CELF2: variants seen among roughly 807,000 people sequenced by gnomAD.
The protein encoded by CELF2 is CUGBP Elav-like family member 2.
Under a neutral mutation model 62.6 loss-of-function variants are expected in CELF2, and 8 were observed. The observed-to-expected ratio is 0.13, with a 90% CI of 0.07 to 0.23. CELF2 has a LOEUF of 0.23. CELF2 is among the 10% of genes least tolerant of loss of function. The pLI, the probability that CELF2 is intolerant of heterozygous loss-of-function variation, is 1.00. For missense variants in CELF2, 333 were observed against 671.0 expected, an observed-to-expected ratio of 0.50 and a Z score of 5.56; for synonymous variants, 258 against 250.0, an observed-to-expected ratio of 1.03 and a Z score of -0.30.
chr10:10,798,728 C>T (rs2054326863), exon 1 of CELF2: 1 of 398,752 alleles, frequency 2.5e-6, no homozygotes, highest in Admixed American at 4.4e-5. Context: ...TCCCCGCCTC[C>T]TCCTCTCCGG....
At chr10:10,814,840 C>T (rs907738834) in intron 1 of CELF2, among the ~76,000 whole-genome samples, 8 of 152,226 alleles carry the variant, frequency 5.3e-5, no homozygotes, top group Admixed American at 6.5e-5. Flanking sequence ...CTCAGGAATT[C>T]GAATTTTGGT....
intron 1 of CELF2, among the ~76,000 whole-genome samples, chr10:11,009,574 G>A (rs1241973590): frequency 1.3e-5 from 2 of 152,094 alleles, no homozygotes; most frequent in Non-Finnish European, 2.9e-5. Context: ...GACCATCAAA[G>A]TTAACAGGAA....
In CELF2 at chr10:11,309,353, A is replaced by T. The variant is rs1234424678; in HGVS notation, c.977-4786A>T. 1.3e-5 allele frequency among the ~76,000 whole-genome samples: 2 copies of T among 152,202 alleles called. No individual in the cohort carries two copies. Among genetic ancestry groups the T allele is most frequent in the Non-Finnish European group, 2.9e-5 (2 of 68,026 alleles). On this transcript the variant is annotated intron_variant, in intron 9 of 12. Transcript: ENST00000633077. This position sits in a 1 kb window ranked among gnomAD's most constrained non-coding sequence, Gnocchi z 5.6. Reference sequence around the variant, plus strand: ...TAGCAAGAATAATTCAGTGAAGTCTATTCCCCTGCACTGTGCCTCTGCTGT... The same window carrying T: ...TAGCAAGAATAATTCAGTGAAGTCTTTTCCCCTGCACTGTGCCTCTGCTGT...
At chr10:11,282,350 GCT>G (rs2089241189) in intron 8 of CELF2, among the ~76,000 whole-genome samples, 1 of 152,134 alleles carries the variant, frequency 6.6e-6, no homozygotes, top group Non-Finnish European at 1.5e-5. Flanking sequence ...AAGGGGCGGG[GCT>G]CTCTCAGGGA....
intron 1 of CELF2, among the ~76,000 whole-genome samples, chr10:10,902,846 A>G (rs1224668478): frequency 1.4e-5 from 2 of 142,256 alleles, no homozygotes; most frequent in African/African-American, 5.2e-5. Flanking sequence ...GAGAGAGACA[A>G]AGAAAGGGAG....
intron 1 of CELF2, among the ~76,000 whole-genome samples, chr10:11,152,398 G>A (rs970487322): frequency 6.6e-6 from 1 of 151,762 alleles, no homozygotes; most frequent in African/African-American, 2.4e-5. Context: ...AGGTTCTCAG[G>A]AAACAGTTGT....
At chr10:11,273,315 C>G (rs1204215352) in intron 7 of CELF2, among the ~76,000 whole-genome samples, 1 of 152,156 alleles carries the variant, frequency 6.6e-6, no homozygotes, top group African/African-American at 2.4e-5. Context: ...TGAGCCCCAC[C>G]TCCCGTCAGA....
chr10:11,139,721 A>G (rs1159154033), intron 1 of CELF2, among the ~76,000 whole-genome samples: 1 of 151,834 alleles, frequency 6.6e-6, no homozygotes, highest in Non-Finnish European at 1.5e-5. Context: ...CTTCTTACCT[A>G]CCCCCTGCTA....
At chr10:10,557,628 A>G in the CELF2 span, among the ~76,000 whole-genome samples, 5 of 152,172 alleles carry the variant, frequency 3.3e-5, 1 homozygote, top group Middle Eastern at 0.014. Flanking sequence ...CTTGGGCAGT[A>G]TTGCCATTTT....
chr10:11,114,527 C>T (rs1038877863), intron 1 of CELF2, among the ~76,000 whole-genome samples: 1 of 152,086 alleles, frequency 6.6e-6, no homozygotes, highest in African/African-American at 2.4e-5. Flanking sequence ...ACACTCTCGT[C>T]GAGTCATAAA....
rs1300754930 is a variant in CELF2 at position 11,165,852 on chromosome 10, C to G, written c.271+170C>G. 6.6e-6 allele frequency among the ~76,000 whole-genome samples: 1 copy of G among 152,182 alleles called. No homozygotes were observed. Among genetic ancestry groups the G allele is most frequent in the Non-Finnish European group, 1.5e-5 (1 of 68,014 alleles). ...GGGCTGCTCCCGACTCCTCCCCGCACCCCCGCCCGCCTGCCCGCCGGGACA... is the reference window on the plus strand; with the variant it reads ...GGGCTGCTCCCGACTCCTCCCCGCAGCCCCGCCCGCCTGCCCGCCGGGACA... On this transcript the variant is annotated intron_variant, in intron 2 of 12. Transcript: ENST00000633077. The surrounding 1 kb of genome is among the most constrained non-coding windows in gnomAD (Gnocchi z 7.4).
chr10:11,195,492 C>T (rs1444535358), intron 2 of CELF2, among the ~76,000 whole-genome samples: 2 of 152,182 alleles, frequency 1.3e-5, no homozygotes, highest in East Asian at 1.9e-4. Context: ...TCCATCCAGG[C>T]GGATGGCAGT....
chr10:10,633,377 T>C, the CELF2 span, among the ~76,000 whole-genome samples: 5 of 152,208 alleles, frequency 3.3e-5, no homozygotes, highest in Non-Finnish European at 5.9e-5. Flanking sequence ...TGCTAGTCTC[T>C]GGGAGTAATA....
the CELF2 span, among the ~76,000 whole-genome samples, chr10:10,765,089 C>T: frequency 6.6e-6 from 1 of 152,150 alleles, no homozygotes; most frequent in South Asian, 2.1e-4. Context: ...ACGGCTTGAT[C>T]TTGTGGGGGC....
chr10:11,197,026 A>AGGAAGGAAGGAAGGAAGGAAGGAAGG (rs1554936340), intron 2 of CELF2, among the ~76,000 whole-genome samples: 234 of 1,608 alleles, frequency 0.15, 31 homozygotes, highest in African/African-American at 0.18. Context: ...GAAAGAAAGA[A>AGGAAGGAAGGAAGGAAGGAAGGAAGG]AAGAAAGAAA....
At chr10:10,869,236 C>G (rs543097281) in intron 1 of CELF2, among the ~76,000 whole-genome samples, 10 of 152,084 alleles carry the variant, frequency 6.6e-5, no homozygotes, top group Admixed American at 1.3e-4. Flanking sequence ...TATTATCCTT[C>G]CAATGAAGTT....
chr10:10,539,286 G>A, the CELF2 span, among the ~76,000 whole-genome samples: 3 of 152,172 alleles, frequency 2.0e-5, no homozygotes, highest in Non-Finnish European at 2.9e-5. Context: ...AATTTAGGTC[G>A]GAGGACTTAG....
intron 1 of CELF2, among the ~76,000 whole-genome samples, chr10:10,799,450 C>G (rs1308676499): frequency 1.3e-5 from 2 of 152,066 alleles, no homozygotes; most frequent in African/African-American, 4.8e-5. Context: ...CACCAGTGCA[C>G]TCCAGCCTGT....
At chr10:10,720,526 G>C in the CELF2 span, among the ~76,000 whole-genome samples, 1 of 152,196 alleles carries the variant, frequency 6.6e-6, no homozygotes. Flanking sequence ...TATGTTGGGA[G>C]ACCCAATGGT....
Sources: gnomAD v4.1 joint callset for allele counts (sites outside exome capture counted in the v4.1 genomes callset) on GRCh38, gnomAD v4.1.1 for gene constraint, Gnocchi (gnomAD v3.1) non-coding constraint, MANE v1.5 for transcripts, NCBI Gene and HGNC (gene_info 2026-07-23, HGNC 2026-07-21) for gene names.